SIMC1: variants seen among roughly 807,000 people sequenced by gnomAD.
SIMC1 encodes the protein SUMO interacting motifs containing 1, also known as SUMO-interacting motif-containing protein 1.
Under a neutral mutation model 82.3 loss-of-function variants are expected in SIMC1, and 55 were observed. The ratio of observed to expected loss-of-function variants is 0.67; its 90% CI spans 0.54 to 0.84. The LOEUF is 0.84. Among genes scored for constraint, SIMC1 ranks in the 40% least tolerant of loss-of-function variants. The pLI is 0.00. For synonymous variants in SIMC1, 353 were observed against 426.3 expected, an observed-to-expected ratio of 0.83 and a Z score of 2.12; for missense variants, 915 against 1,107.2, an observed-to-expected ratio of 0.83 and a Z score of 2.46.
chr5:176,290,334 C>T lies in SIMC1; in HGVS notation c.810C>T (p.Cys270=). ...CTCACCCACCTCAAGAAGTGCCATG[C>T]CCTCGGCAGAATATCCCAGGCCCAC... ...ALTHPPQEVP[C]PRQNIPGPPQ... is the part of the protein sequence containing the mutation. The change falls in exon 2 of 10, where the codon TGC becomes TGT. Residue 270 remains cysteine (C), a synonymous_variant. Transcript: ENST00000429602. 6.2e-7 allele frequency: 1 copy of T among 1,613,968 alleles called. No homozygotes were observed. The highest frequency in any genetic ancestry group is 1.3e-5 in the African/African-American group (1 of 75,040).
Position 176,313,413 on chromosome 5 carries a change from A to T in SIMC1, c.1735-278A>T, listed in dbSNP as rs192073649. ...TGCAGCTTAGGTGTTAGAAAATTAT[A>T]ATTATCTGCAGATGCCTAGATCCTT... On this transcript the variant is annotated intron_variant, in intron 4 of 9. Transcript: ENST00000429602. 6.5e-6 allele frequency: 10 copies of T among 1,546,134 alleles called. No individual in the cohort carries two copies. In the South Asian group the frequency reaches 1.2e-4, roughly 18 times the overall value.
At chr5:176,249,610 G>T (rs552345697) in intron 1 of SIMC1, among the ~76,000 whole-genome samples, 148 of 152,018 alleles carry the variant, frequency 9.7e-4, no homozygotes, top group African/African-American at 3.4e-3. Flanking sequence ...GAAGGCTGAG[G>T]TGGGCATATC....
intron 7 of SIMC1, among the ~76,000 whole-genome samples, chr5:176,329,768 C>G (rs1765556232): frequency 6.6e-6 from 1 of 151,958 alleles, no homozygotes; most frequent in Non-Finnish European, 1.5e-5. Context: ...TAGGATTAAA[C>G]AAATAAATAT....
chr5:176,331,617 A>G (rs1236650254), intron 7 of SIMC1, among the ~76,000 whole-genome samples: 2 of 150,520 alleles, frequency 1.3e-5, no homozygotes, highest in Non-Finnish European at 3.0e-5. Context: ...ACCCAGCCCT[A>G]TGTCTGCAAC....
At chr5:176,285,805 T>A (rs1763248271) in intron 1 of SIMC1, among the ~76,000 whole-genome samples, 1 of 152,142 alleles carries the variant, frequency 6.6e-6, no homozygotes, top group Admixed American at 6.6e-5. Flanking sequence ...GGATACAAAA[T>A]CAATGTGCAA....
chr5:176,329,401 G>A (rs1360039382), intron 7 of SIMC1, among the ~76,000 whole-genome samples: 1 of 151,888 alleles, frequency 6.6e-6, no homozygotes, highest in Non-Finnish European at 1.5e-5. Flanking sequence ...AACCCGGGAG[G>A]CGGAGCTTGC....
intron 2 of SIMC1, among the ~76,000 whole-genome samples, chr5:176,291,159 CTTTTTTT>C (rs1173030195): frequency 5.6e-5 from 5 of 88,502 alleles, no homozygotes; most frequent in African/African-American, 2.3e-4. Flanking sequence ...TGTCACTTTA[CTTTTTTT>C]TTTTTTTTTT....
chr5:176,323,059 TG>T (rs1448513042), intron 6 of SIMC1, among the ~76,000 whole-genome samples: 9 of 152,232 alleles, frequency 5.9e-5, no homozygotes, highest in Non-Finnish European at 1.2e-4. Flanking sequence ...CCAGTCACAC[TG>T]GGCATTTCAA....
intron 1 of SIMC1, among the ~76,000 whole-genome samples, chr5:176,263,890 T>C (rs944535142): frequency 2.0e-5 from 3 of 152,222 alleles, no homozygotes; most frequent in Admixed American, 1.3e-4. Flanking sequence ...AAGCAAGTTA[T>C]TGAATTCTAA....
intron 1 of SIMC1, among the ~76,000 whole-genome samples, chr5:176,247,139 G>A (rs1347087243): frequency 1.3e-5 from 2 of 152,068 alleles, no homozygotes; most frequent in African/African-American, 4.8e-5. Context: ...TGGGATTGCT[G>A]GGTCAAATGG....
chr5:176,339,526 T>C (rs1328335391), intron 9 of SIMC1, among the ~76,000 whole-genome samples: 3 of 152,246 alleles, frequency 2.0e-5, no homozygotes, highest in Non-Finnish European at 4.4e-5. Flanking sequence ...TGTAATTGTT[T>C]TGGAGATTAC....
intron 9 of SIMC1, among the ~76,000 whole-genome samples, chr5:176,342,561 G>A (rs1487361377): frequency 6.6e-6 from 1 of 152,274 alleles, no homozygotes; most frequent in East Asian, 1.9e-4. Context: ...GCTGCACCCG[G>A]GAAGGACTTC....
intron 1 of SIMC1, among the ~76,000 whole-genome samples, chr5:176,251,349 C>T (rs191128590): frequency 2.3e-3 from 346 of 152,208 alleles, no homozygotes; most frequent in Non-Finnish European, 3.9e-3. Context: ...ACAGAGCAAG[C>T]GAGACTCCAC....
At chr5:176,254,944 A>G (rs1761799641) in intron 1 of SIMC1, among the ~76,000 whole-genome samples, 1 of 152,132 alleles carries the variant, frequency 6.6e-6, no homozygotes, top group Non-Finnish European at 1.5e-5. Flanking sequence ...GCTTAAGAGA[A>G]AGAAAAGGTT....
chr5:176,282,132 A>G (rs1763038476), intron 1 of SIMC1, among the ~76,000 whole-genome samples: 1 of 152,234 alleles, frequency 6.6e-6, no homozygotes, highest in Non-Finnish European at 1.5e-5. Flanking sequence ...AGCCTGGGCA[A>G]TGGCGGGCGC....
chr5:176,304,326 T>C (rs1051274278), intron 4 of SIMC1: 11 of 153,378 alleles, frequency 7.2e-5, no homozygotes, highest in Non-Finnish European at 1.4e-4. Flanking sequence ...GCCTGCCGAG[T>C]GCCTGCGATT....
intron 1 of SIMC1, among the ~76,000 whole-genome samples, chr5:176,288,935 A>G (rs1008542803): frequency 6.6e-6 from 1 of 152,202 alleles, no homozygotes; most frequent in Non-Finnish European, 1.5e-5. Flanking sequence ...AAGGAATGGA[A>G]GTGGAGATCG....
intron 4 of SIMC1, among the ~76,000 whole-genome samples, chr5:176,311,585 A>G (rs1336895435): frequency 6.6e-6 from 1 of 152,056 alleles, no homozygotes; most frequent in Non-Finnish European, 1.5e-5. Context: ...TTATTTGGGG[A>G]AAATAGGTAT....
chr5:176,333,094 A>G (rs1157971820), intron 7 of SIMC1, among the ~76,000 whole-genome samples: 11 of 152,216 alleles, frequency 7.2e-5, no homozygotes, highest in Admixed American at 6.5e-4. Context: ...ACTTGATGTC[A>G]GGAGTTCAAG....
Sources: gnomAD v4.1 joint callset for allele counts (sites outside exome capture counted in the v4.1 genomes callset) on GRCh38, gnomAD v4.1.1 for gene constraint, MANE v1.5 for transcripts, NCBI Gene and HGNC (gene_info 2026-07-23, HGNC 2026-07-21) for gene names.